IFFO2: variants seen among roughly 807,000 people sequenced by gnomAD.
The protein encoded by IFFO2 is intermediate filament family orphan 2.
A neutral mutation model predicts 53.5 loss-of-function variants in IFFO2; 19 were observed. The ratio of observed to expected loss-of-function variants is 0.36; its 90% CI spans 0.25 to 0.52. The LOEUF is 0.52. IFFO2 is among the 20% of genes least tolerant of loss of function. The pLI is 0.94. For synonymous variants in IFFO2, 303 were observed against 313.6 expected, an observed-to-expected ratio of 0.97 and a Z score of 0.36; for missense variants, 570 against 727.4, an observed-to-expected ratio of 0.78 and a Z score of 2.49.
At position 18,916,960 on chromosome 1, in the gene IFFO2, T is replaced by C. The variant is rs755502838; in HGVS notation, c.1046A>G (p.Asp349Gly). 1.9e-6 allele frequency: 3 copies of C among 1,552,016 alleles called. No homozygotes were observed. Among genetic ancestry groups the C allele is most frequent in the East Asian group, 2.4e-5 (1 of 40,910 alleles). ...EQDGEVNRFS[D>G]DEVGSMNITD... is the part of the protein sequence containing the mutation. ...GATGTTCATGGAGCCGACCTCATCG[T>C]CCGAGAACCGGTTCACCTCCCCGTC... Residue 349 changes from aspartate to glycine, a missense_variant, in exon 5 of 9, where the codon GAC becomes GGC. Transcript: ENST00000455833. The surrounding 1 kb of genome is among the most constrained non-coding windows in gnomAD (Gnocchi z 4.3).
At chr1:18,937,319 G>A (rs540448322) in intron 1 of IFFO2, among the ~76,000 whole-genome samples, 225 of 152,334 alleles carry the variant, frequency 1.5e-3, no homozygotes, top group African/African-American at 4.9e-3. Flanking sequence ...CAGCGCAGCT[G>A]AGGCAGGTAA....
intron 1 of IFFO2, among the ~76,000 whole-genome samples, chr1:18,933,835 C>G (rs939500737): frequency 6.6e-6 from 1 of 152,138 alleles, no homozygotes; most frequent in Non-Finnish European, 1.5e-5. Flanking sequence ...TAAGTGCATT[C>G]ACACTGCTGT....
chr1:18,908,146 GA>G lies in IFFO2; in HGVS notation c.*414del. The G allele has an allele frequency of 3.7e-5, 8 of 213,554 alleles. No homozygotes were observed. Among genetic ancestry groups the G allele is most frequent in the South Asian group, 1.4e-4 (2 of 13,912 alleles). 13.2% of individuals were successfully genotyped at this position (213,554 alleles called of 1,614,324 possible). ...CATGGCCAATCAGAGGAGCAGGTGG[GA>G]CGGACGGCAGAAACCACATTACACC... On this transcript the variant is annotated 3_prime_UTR_variant, in exon 9 of 9. Coordinates refer to ENST00000455833, the MANE Select transcript of IFFO2 (RefSeq NM_001136265.2).
At chr1:18,925,616 G>C (rs1015958777) in intron 1 of IFFO2, among the ~76,000 whole-genome samples, 1 of 152,234 alleles carries the variant, frequency 6.6e-6, no homozygotes. Context: ...CACAGGAGCC[G>C]GGTCTCAGGT....
chr1:18,910,349 C>A lies in IFFO2; in HGVS notation c.1441G>T (p.Ala481Ser). The change falls in exon 8 of 9, where the codon GCA becomes TCA. Residue 481 changes from alanine (A) to serine (S), a missense_variant. Transcript: ENST00000455833. ...ETCRRLIKGS[A>S]DRNSPSPSSV... ...GGGAGGATGGGCGGGTACCTGTCTG[C>A]GGAGCCTTTGATGAGCCGGCGGCAG... The A allele has an allele frequency of 6.2e-7, 1 of 1,608,480 alleles. No homozygotes were observed. The highest frequency in any genetic ancestry group is 1.1e-5 in the South Asian group (1 of 90,008).
Position 18,955,881 on chromosome 1 carries a change from G to C in IFFO2, c.452C>G (p.Pro151Arg). 2 of 1,367,730 alleles carry C rather than the reference G, an allele frequency of 1.5e-6. No homozygotes were observed. Among genetic ancestry groups the C allele is most frequent in the East Asian group, 6.2e-5 (2 of 32,458 alleles). 84.7% of individuals were successfully genotyped at this position (1,367,730 alleles called of 1,614,324 possible). The part of the protein sequence containing the change: ...GGLPPGGGSH[P>R]QHYGRLPGTI... ...CCCGGGCAGGCGGCCGTAGTGCTGC[G>C]GGTGCGAGCCGCCGCCGGGGGGCAG... Residue 151 changes from proline to arginine, a missense_variant, in exon 1 of 9, where the codon CCG (proline) becomes CGG (arginine). Coordinates refer to ENST00000455833, the MANE Select transcript of IFFO2 (RefSeq NM_001136265.2).
chr1:18,920,952 A>T, intron 2 of IFFO2, 109 bp downstream of exon 2: 1 of 882,724 alleles, frequency 1.1e-6, no homozygotes, highest in Non-Finnish European at 1.9e-6. Context: ...GAGGTAACAG[A>T]GTAGGGGCTG....
At chr1:18,949,289 G>A (rs1936628609) in intron 1 of IFFO2, among the ~76,000 whole-genome samples, 1 of 152,252 alleles carries the variant, frequency 6.6e-6, no homozygotes, top group Admixed American at 6.5e-5. Context: ...GACGAAGCCA[G>A]AGTTGGAGCC....
intron 1 of IFFO2, among the ~76,000 whole-genome samples, chr1:18,946,663 C>T (rs1936592747): frequency 6.6e-6 from 1 of 151,734 alleles, no homozygotes; most frequent in African/African-American, 2.4e-5. Context: ...ATGATCTACC[C>T]GCCTCGGCCT....
Position 18,956,324 on chromosome 1 carries a change from G to C in IFFO2, c.9C>G (p.Asn3Lys). MV[N>K]SLLFGEMALA... The stretch of plus-strand genomic sequence containing the variant: ...AGGCCATCTCCCCGAACAGCAGCGA[G>C]TTCACCATGCGCCGGCTGCGCGGCT... Residue 3 changes from asparagine (N) to lysine (K), a missense_variant, in exon 1 of 9, where the codon AAC (asparagine) becomes AAG (lysine). Asn to Lys is a moderately conservative substitution (Grantham distance 94). Coordinates refer to ENST00000455833, the MANE Select transcript of IFFO2 (RefSeq NM_001136265.2). The surrounding 1 kb of genome is among the most constrained non-coding windows in gnomAD (Gnocchi z 6.4). The C allele has an allele frequency of 2.7e-6, 1 of 369,768 alleles. No homozygotes were observed. Among genetic ancestry groups the C allele is most frequent in the Non-Finnish European group, 4.1e-6 (1 of 245,208 alleles). The allele number at this position is 369,768 out of a possible 1,614,324, so 22.9% of individuals were successfully genotyped here.
chr1:18,926,041 A>ATTGGT (rs1936288475), intron 1 of IFFO2, among the ~76,000 whole-genome samples: 1 of 135,474 alleles, frequency 7.4e-6, no homozygotes, highest in African/African-American at 3.0e-5. Flanking sequence ...GGATGGATGG[A>ATTGGT]TGGATGGATG....
At chr1:18,910,052 C>T (rs1936011030) in intron 8 of IFFO2, among the ~76,000 whole-genome samples, 1 of 152,192 alleles carries the variant, frequency 6.6e-6, no homozygotes, top group African/African-American at 2.4e-5. Context: ...AGGGGCTATA[C>T]TTACTGGCCC....
rs1447181571 is a variant in IFFO2 at position 18,919,575 on chromosome 1, T to A, written c.822+103A>T. The A allele has an allele frequency of 1.3e-6, 1 of 774,150 alleles. No individual in the cohort carries two copies. The highest frequency in any genetic ancestry group is 1.7e-5 in the African/African-American group (1 of 58,202). 48.0% of individuals were successfully genotyped at this position (774,150 alleles called of 1,614,324 possible). On this transcript the variant is annotated intron_variant, in intron 3 of 8. Transcript: ENST00000455833. The surrounding 1 kb of genome is among the most constrained non-coding windows in gnomAD (Gnocchi z 4.9). Reference sequence around the variant, plus strand: ...CATGGTCAAACACAGCCAGCCAGGATTCTAACTAGAAGCCGAGCCCCGGAG... The same window carrying A: ...CATGGTCAAACACAGCCAGCCAGGAATCTAACTAGAAGCCGAGCCCCGGAG...
intron 1 of IFFO2, among the ~76,000 whole-genome samples, chr1:18,930,465 G>A (rs1397936738): frequency 1.3e-5 from 2 of 152,204 alleles, no homozygotes; most frequent in South Asian, 2.1e-4. Context: ...GGGACAGGGT[G>A]GCAGAAGGAA....
chr1:18,933,727 C>T (rs1307059350), intron 1 of IFFO2, among the ~76,000 whole-genome samples: 1 of 152,172 alleles, frequency 6.6e-6, no homozygotes, highest in African/African-American at 2.4e-5. Flanking sequence ...CACTGCACTC[C>T]AGCCTGGGTG....
chr1:18,912,849 C>T (rs1175742129), intron 5 of IFFO2, among the ~76,000 whole-genome samples: 1 of 152,204 alleles, frequency 6.6e-6, no homozygotes, highest in African/African-American at 2.4e-5. Context: ...TCAAGACCTC[C>T]CTATTGGCTA....
chr1:18,952,422 C>T (rs1936670194), intron 1 of IFFO2, among the ~76,000 whole-genome samples: 2 of 152,066 alleles, frequency 1.3e-5, no homozygotes, highest in South Asian at 2.1e-4. Context: ...AGATGATGCT[C>T]GGTGGTATAC....
In IFFO2 at chr1:18,916,883, C is replaced by A. The variant is rs369042544; in HGVS notation, c.1103+20G>T. The A allele has an allele frequency of 6.4e-7, 1 of 1,550,750 alleles. No homozygotes were observed. The highest frequency in any genetic ancestry group is 1.2e-5 in the South Asian group (1 of 83,940). On this transcript the variant is annotated intron_variant, in intron 5 of 8. Coordinates refer to ENST00000455833, the MANE Select transcript of IFFO2 (RefSeq NM_001136265.2). This position sits in a 1 kb window ranked among gnomAD's most constrained non-coding sequence, Gnocchi z 4.3. ...GCAATCCGGGGAAACGGAGAGTGTG[C>A]GGGCCACGGGGATACTCACAGCTGG...
At chr1:18,930,641 A>C (rs1936363942) in intron 1 of IFFO2, among the ~76,000 whole-genome samples, 1 of 152,232 alleles carries the variant, frequency 6.6e-6, no homozygotes, top group East Asian at 1.9e-4. Flanking sequence ...GGTCCAGGGC[A>C]GGAGAGCCCA....
Sources: gnomAD v4.1 joint callset for allele counts (sites outside exome capture counted in the v4.1 genomes callset) on GRCh38, gnomAD v4.1.1 for gene constraint, Gnocchi (gnomAD v3.1) non-coding constraint, MANE v1.5 for transcripts, NCBI Gene and HGNC (gene_info 2026-07-23, HGNC 2026-07-21) for gene names.